PRPS1: variants seen among roughly 807,000 people sequenced by gnomAD.
PRPS1 encodes phosphoribosyl pyrophosphate synthetase 1.
PRPS1 carries 1 observed loss-of-function variant against 16.9 expected under a neutral mutation model. The ratio of observed to expected loss-of-function variants is 0.06; its 90% CI spans 0.02 to 0.28. The LOEUF is 0.28. PRPS1 is among the 10% of genes least tolerant of loss of function. PRPS1 has a pLI of 1.00. For synonymous variants in PRPS1, 70 were observed against 90.2 expected (o/e 0.78, Z 1.27); for missense variants, 47 against 254.0 (o/e 0.19, Z 5.54).
chrX:107,650,000 G>A lies in PRPS1; in HGVS notation c.925G>A (p.Val309Ile). Residue 309 changes from valine to isoleucine, a missense_variant, in exon 7 of 7, where the codon GTT becomes ATT. This residue lies in a region of PRPS1 where 2 missense variants were observed against 28.2 expected (regional missense o/e 0.07). Coordinates refer to ENST00000372435, the MANE Select transcript of PRPS1 (RefSeq NM_002764.4). Reference protein sequence around the residue: ...AIRRTHNGESVSYLFSHVPL With the variant: ...AIRRTHNGESISYLFSHVPL ...CAGGAGAACTCACAATGGAGAATCC[G>A]TTTCTTACCTATTCAGCCATGTCCC... The A allele has an allele frequency of 1.7e-6, 2 of 1,211,804 alleles. No individual in the cohort carries two copies. The highest frequency in any genetic ancestry group is 1.8e-5 in the South Asian group (1 of 57,005).
intron 6 of PRPS1, among the ~76,000 whole-genome samples, chrX:107,648,652 A>G (rs1281358945): frequency 2.7e-5 from 3 of 110,778 alleles, no homozygotes; most frequent in African/African-American, 6.6e-5. Context: ...GCCTCAAGCT[A>G]TCCTCCTGTG....
At chrX:107,648,424 CTT>C (rs772036314) in intron 6 of PRPS1, among the ~76,000 whole-genome samples, 5,684 of 94,779 alleles carry the variant, frequency 0.06, 367 homozygotes, top group African/African-American at 0.18. Flanking sequence ...GGATTATCAT[CTT>C]TTTTTTTTTT....
chrX:107,647,481 ATTT>A lies in PRPS1; in HGVS notation c.705-120_705-118del, dbSNP rs375506620. On this transcript the variant is annotated intron_variant, in intron 5 of 6. Coordinates refer to ENST00000372435, the MANE Select transcript of PRPS1 (RefSeq NM_002764.4). ...CCCACTGTGCCTTATAATATTTTTT[ATTT>A]TTTTATTTTTTTTCATATGATATTT... is the stretch of plus-strand genomic sequence containing the variant. 6,515 of 797,837 alleles carry A rather than the reference ATTT, an allele frequency of 8.2e-3. 170 individuals are homozygous for A. In the Admixed American group the frequency reaches 0.084, roughly 10 times the overall value. The allele number at this position is 797,837 out of a possible 1,213,427, so 65.8% of individuals were successfully genotyped here.
intron 6 of PRPS1, 120 bp downstream of exon 6, chrX:107,647,885 G>A: frequency 1.2e-6 from 1 of 823,591 alleles, no homozygotes; most frequent in East Asian, 3.5e-5. Flanking sequence ...ATTTAGTCTT[G>A]TCATCAGAAT....
At chrX:107,645,579 AAC>A (rs749180645) in intron 5 of PRPS1, among the ~76,000 whole-genome samples, 5 of 111,755 alleles carry the variant, frequency 4.5e-5, no homozygotes, top group Non-Finnish European at 9.4e-5. Context: ...AGCTACATAT[AAC>A]ACAATTTGCC....
intron 1 of PRPS1, among the ~76,000 whole-genome samples, chrX:107,634,610 G>T (rs1326063379): frequency 9.1e-6 from 1 of 110,278 alleles, no homozygotes; most frequent in Non-Finnish European, 1.9e-5. Context: ...CGATTATGTG[G>T]TTTTTATTTT....
intron 1 of PRPS1, among the ~76,000 whole-genome samples, chrX:107,635,795 T>A (rs752488676): frequency 3.8e-4 from 42 of 110,647 alleles, no homozygotes; most frequent in South Asian, 1.1e-3. Flanking sequence ...ACATGGTGGC[T>A]CACACCTGTA....
chrX:107,633,042 A>G (rs191421495), intron 1 of PRPS1, among the ~76,000 whole-genome samples: 24 of 111,813 alleles, frequency 2.1e-4, no homozygotes, highest in African/African-American at 7.8e-4. Context: ...AAAGCCCCAC[A>G]TTTTTTAAAC....
In PRPS1 at chrX:107,647,691, G is replaced by A. The variant is rs1925732117; in HGVS notation, c.790G>A (p.Ala264Thr). The A allele has an allele frequency of 8.3e-7, 1 of 1,210,491 alleles. No homozygotes were observed. The highest frequency in any genetic ancestry group is 1.1e-6 in the Non-Finnish European group (1 of 894,613). Residue 264 changes from alanine to threonine, a missense_variant, in exon 6 of 7, where the codon GCA (alanine) becomes ACA (threonine). Physicochemically the swap from Ala to Thr is moderately conservative, Grantham distance 58. Transcript: ENST00000372435. ...TCCTGCTATTTCTCGCATCAACAAC[G>A]CATGCTTTGAGGCAGTAGTAGTCAC... Reference protein sequence around the residue: ...SGPAISRINNACFEAVVVTNT... With the variant: ...SGPAISRINNTCFEAVVVTNT...
At chrX:107,647,481 A>AT (rs375506620) in intron 5 of PRPS1, 125 bp from the exon 6 acceptor site, 4 of 797,815 alleles carry the variant, frequency 5.0e-6, no homozygotes, top group Non-Finnish European at 7.1e-6. Context: ...AATATTTTTT[A>AT]TTTTTTTATT....
At position 107,647,541 on chromosome X, in the gene PRPS1, C is replaced by T. The variant is rs1173386093; in HGVS notation, c.705-65C>T. Reference sequence around the variant, plus strand: ...GGAAGCCTAAGCAGGCTAATATACTCCTCCCTGACTAAAATTCTGCAATGA... The same window carrying T: ...GGAAGCCTAAGCAGGCTAATATACTTCTCCCTGACTAAAATTCTGCAATGA... On this transcript the variant is annotated intron_variant, in intron 5 of 6. Coordinates refer to ENST00000372435, the MANE Select transcript of PRPS1 (RefSeq NM_002764.4). 1.5e-5 allele frequency: 17 copies of T among 1,119,384 alleles called. No homozygotes were observed. In the East Asian group the frequency reaches 3.9e-4, roughly 26 times the overall value. 92.2% of individuals were successfully genotyped at this position (1,119,384 alleles called of 1,213,427 possible).
chrX:107,642,531 A>G (rs1489686498), intron 4 of PRPS1, 41 bp downstream of exon 4: 1 of 1,207,688 alleles, frequency 8.3e-7, no homozygotes, highest in South Asian at 1.8e-5. Context: ...TACTGGGAAA[A>G]TCTTTCAGAT....
intron 1 of PRPS1, among the ~76,000 whole-genome samples, chrX:107,628,968 A>T (rs1020700778): frequency 6.3e-5 from 7 of 110,592 alleles, no homozygotes; most frequent in Non-Finnish European, 9.5e-5. Context: ...CAAAAGATGG[A>T]GTGTGAGGCG....
At chrX:107,648,865 G>A (rs930775352) in intron 6 of PRPS1, among the ~76,000 whole-genome samples, 8 of 109,770 alleles carry the variant, frequency 7.3e-5, no homozygotes, top group African/African-American at 2.3e-4. Flanking sequence ...GTTCAAGTGA[G>A]TCTCCTGCCT....
At chrX:107,636,131 T>TGTTTG (rs1925435668) in intron 1 of PRPS1, among the ~76,000 whole-genome samples, 1 of 110,171 alleles carries the variant, frequency 9.1e-6, no homozygotes, top group South Asian at 3.9e-4. Context: ...TGTTTTGTTT[T>TGTTTG]GTTTGGTTTG....
Position 107,628,609 on chromosome X carries a change from G to C in PRPS1, c.-20G>C, listed in dbSNP as rs2147674760. ...AGCAGCCGTGATCGCTTAGTGGAGT[G>C]CTTAGGGTAGTTGGCCAGGATGCCG... is the stretch of plus-strand genomic sequence containing the variant. On this transcript the variant is annotated 5_prime_UTR_variant, in exon 1 of 7. Coordinates refer to ENST00000372435, the MANE Select transcript of PRPS1 (RefSeq NM_002764.4). The C allele has an allele frequency of 8.3e-7, 1 of 1,209,926 alleles. No individual in the cohort carries two copies. The highest frequency in any genetic ancestry group is 1.7e-5 in the African/African-American group (1 of 57,286).
intron 5 of PRPS1, among the ~76,000 whole-genome samples, chrX:107,646,146 A>G (rs1925686513): frequency 9.0e-6 from 1 of 111,435 alleles, no homozygotes; most frequent in Non-Finnish European, 1.9e-5. Context: ...TCTGTTACCC[A>G]GGCTGGAGTG....
At chrX:107,629,422 A>G (rs752850344) in intron 1 of PRPS1, among the ~76,000 whole-genome samples, 20 of 111,842 alleles carry the variant, frequency 1.8e-4, no homozygotes, top group Non-Finnish European at 3.8e-4. Context: ...GATAGCCAGC[A>G]TCTCAGCTTG....
chrX:107,634,780 A>C (rs1925392222), intron 1 of PRPS1, among the ~76,000 whole-genome samples: 1 of 110,308 alleles, frequency 9.1e-6, no homozygotes, highest in African/African-American at 3.3e-5. Context: ...GAGATAAGCC[A>C]CTGTGGTCTA....
Sources: gnomAD v4.1 joint callset for allele counts (sites outside exome capture counted in the v4.1 genomes callset) on GRCh38, gnomAD v4.1.1 for gene constraint, gnomAD v4.1.1 regional missense constraint, MANE v1.5 for transcripts, NCBI Gene and HGNC (gene_info 2026-07-23, HGNC 2026-07-21) for gene names.